Variants in MED13L observed in about 807,000 individuals in gnomAD.
The protein encoded by MED13L is mediator of RNA polymerase II transcription subunit 13-like.
In MED13L, 7 loss-of-function variants were observed where a neutral mutation model predicts 220.9. That is an observed-to-expected ratio of 0.03 (90% CI 0.02 to 0.06). The LOEUF (loss-of-function observed/expected upper bound fraction) is 0.06, where lower values mean the gene tolerates loss of function less well. Among genes scored for constraint, MED13L ranks in the 10% least tolerant of loss-of-function variants. The pLI is 1.00. For synonymous variants in MED13L, 1,011 were observed against 1,015.2 expected (o/e 1.00, Z 0.08); for missense variants, 1,965 against 2,760.5 (o/e 0.71, Z 6.46).
chr12:116,040,221 A>G (rs1881444260), intron 4 of MED13L, among the ~76,000 whole-genome samples: 1 of 152,256 alleles, frequency 6.6e-6, no homozygotes, highest in Non-Finnish European at 1.5e-5. Context: ...TTCCAACGGC[A>G]GTTTAATGAA....
chr12:116,173,215 CA>C (rs1432767101), intron 2 of MED13L, among the ~76,000 whole-genome samples: 1 of 151,624 alleles, frequency 6.6e-6, no homozygotes, highest in Non-Finnish European at 1.5e-5. Context: ...AAAATATTTT[CA>C]ATCAAAAACT....
chr12:116,060,342 C>T (rs578182716), intron 4 of MED13L, among the ~76,000 whole-genome samples: 1 of 152,154 alleles, frequency 6.6e-6, no homozygotes, highest in East Asian at 1.9e-4. Context: ...CTTTGGGAGG[C>T]TGAGGCAGGC....
intron 4 of MED13L, among the ~76,000 whole-genome samples, chr12:116,042,478 G>C (rs1388775802): frequency 6.6e-6 from 1 of 152,192 alleles, no homozygotes; most frequent in African/African-American, 2.4e-5. Context: ...GGAAGGCAAG[G>C]CACATCAAAT....
At chr12:116,069,805 C>T (rs1483762738) in intron 4 of MED13L, among the ~76,000 whole-genome samples, 1 of 152,114 alleles carries the variant, frequency 6.6e-6, no homozygotes, top group Admixed American at 6.6e-5. Context: ...ACAAAAATCA[C>T]TAAAAATATT....
chr12:116,206,405 A>G (rs1882333041), intron 2 of MED13L, among the ~76,000 whole-genome samples: 1 of 152,226 alleles, frequency 6.6e-6, no homozygotes, highest in Admixed American at 6.5e-5. Context: ...TAACAAAGCC[A>G]AACTGTTACT....
chr12:115,990,907 T>C (rs1011476391), intron 17 of MED13L, 113 bp downstream of exon 17: 20 of 1,128,912 alleles, frequency 1.8e-5, no homozygotes, highest in East Asian at 1.3e-4. Context: ...TTCTTTTTTT[T>C]CCCCCGAAAG....
chr12:116,214,621 A>G (rs1318637692), intron 2 of MED13L, among the ~76,000 whole-genome samples: 1 of 152,178 alleles, frequency 6.6e-6, no homozygotes, highest in Non-Finnish European at 1.5e-5. Context: ...GGAAAATATA[A>G]TTTTTCAATA....
intron 2 of MED13L, among the ~76,000 whole-genome samples, chr12:116,182,768 A>C (rs1271927676): frequency 6.6e-6 from 1 of 152,156 alleles, no homozygotes; most frequent in Non-Finnish European, 1.5e-5. Flanking sequence ...CATATATTAC[A>C]TGTTTACTCT....
At chr12:116,128,953 CA>C (rs1225574224) in intron 2 of MED13L, among the ~76,000 whole-genome samples, 1 of 147,864 alleles carries the variant, frequency 6.8e-6, no homozygotes, top group African/African-American at 2.5e-5. Flanking sequence ...GAACATAATG[CA>C]AAAAAAAATA....
chr12:116,145,454 A>G (rs1877401873), intron 2 of MED13L, among the ~76,000 whole-genome samples: 1 of 152,120 alleles, frequency 6.6e-6, no homozygotes, highest in Non-Finnish European at 1.5e-5. Flanking sequence ...ACAGTTGTTA[A>G]AATAAATGGC....
intron 4 of MED13L, among the ~76,000 whole-genome samples, chr12:116,095,461 A>ATT (rs1872569095): frequency 2.0e-5 from 3 of 152,250 alleles, no homozygotes; most frequent in Non-Finnish European, 4.4e-5. Context: ...AGAAGATTCC[A>ATT]CAACCATTTC....
At chr12:116,231,958 G>T in intron 2 of MED13L, 1 of 334,784 alleles carries the variant, frequency 3.0e-6, no homozygotes, top group Non-Finnish European at 4.3e-6. Context: ...TATAGATACA[G>T]ATTACAAAAC....
At chr12:116,117,316 A>G (rs1197381032) in intron 2 of MED13L, among the ~76,000 whole-genome samples, 3 of 152,156 alleles carry the variant, frequency 2.0e-5, no homozygotes, top group Non-Finnish European at 4.4e-5. Context: ...GGACACCGGA[A>G]ATTTGAGGGG....
intron 3 of MED13L, among the ~76,000 whole-genome samples, chr12:116,107,521 T>C (rs1873687368): frequency 6.6e-6 from 1 of 152,242 alleles, no homozygotes; most frequent in Non-Finnish European, 1.5e-5. Flanking sequence ...AAAATTGTTT[T>C]TCAATAACTC....
intron 4 of MED13L, among the ~76,000 whole-genome samples, chr12:116,048,838 T>C (rs960773642): frequency 6.6e-6 from 1 of 152,194 alleles, no homozygotes; most frequent in South Asian, 2.1e-4. Context: ...TCAGTGTTTT[T>C]AATATTACTT....
chr12:116,007,393 C>G lies in MED13L; in HGVS notation c.2238+18G>C, dbSNP rs907992375. ...AGAAACCCACACCATGCTGGACTCT[C>G]TCTCTGTTAAATGGTACCTTATTCT... On this transcript the variant is annotated intron_variant, in intron 11 of 30. Transcript: ENST00000281928. 5.6e-6 allele frequency: 9 copies of G among 1,596,974 alleles called. No homozygotes were observed. Among genetic ancestry groups the G allele is most frequent in the Middle Eastern group, 1.6e-4 (1 of 6,064 alleles).
In MED13L at chr12:116,022,450, A is replaced by G; in HGVS notation, c.625+6T>C. 1 of 1,613,580 alleles carries G rather than the reference A, an allele frequency of 6.2e-7. No homozygotes were observed. Among genetic ancestry groups the G allele is most frequent in the Non-Finnish European group, 8.5e-7 (1 of 1,179,718 alleles). ...AGGGGTGGAGAGCAGGAACACCCAT[A>G]CTTACCTTGAAATGGTGCAGGTGAA... On this transcript the variant is annotated splice_donor_region_variant and intron_variant, in intron 5 of 30. Transcript: ENST00000281928.
intron 13 of MED13L, among the ~76,000 whole-genome samples, chr12:116,004,971 C>T (rs993591811): frequency 6.6e-6 from 1 of 152,146 alleles, no homozygotes; most frequent in African/African-American, 2.4e-5. Flanking sequence ...GCAATAAGTA[C>T]ATTATAACTT....
At position 116,159,736 on chromosome 12, in the gene MED13L, GAATA is replaced by G. The variant is rs774641708; in HGVS notation, c.311-48228_311-48225del. ...ATTAAAAAGGTGGTACTGTGTTTGT[GAATA>G]AAGTTATTTACAGATCATATCAGCC... On this transcript the variant is annotated intron_variant, in intron 2 of 30. Transcript: ENST00000281928. Among the ~76,000 whole-genome samples, 9 of 151,318 alleles carry G rather than the reference GAATA, an allele frequency of 5.9e-5. No individual in the cohort carries two copies. The East Asian group carries it at 1.7e-3, about 29-fold the overall frequency.
Sources: gnomAD v4.1 joint callset for allele counts (sites outside exome capture counted in the v4.1 genomes callset) on GRCh38, gnomAD v4.1.1 for gene constraint, MANE v1.5 for transcripts, NCBI Gene and HGNC (gene_info 2026-07-23, HGNC 2026-07-21) for gene names.